The following FAM114A1 variants were observed in gnomAD, a reference collection of about 807,000 sequenced individuals.
The protein encoded by FAM114A1 is protein NOXP20.
A neutral mutation model predicts 64.3 loss-of-function variants in FAM114A1; 62 were observed. The observed-to-expected ratio is 0.96, with a 90% CI of 0.79 to 1.19. FAM114A1 has a LOEUF of 1.19. Among genes scored for constraint, FAM114A1 ranks in the 50% most tolerant of loss-of-function variants. The pLI is 0.00. For missense variants in FAM114A1, 645 were observed against 676.3 expected, an observed-to-expected ratio of 0.95 and a Z score of 0.51; for synonymous variants, 254 against 251.1, an observed-to-expected ratio of 1.01 and a Z score of -0.11.
chr4:38,879,757 C>A (rs187232327), intron 3 of FAM114A1, among the ~76,000 whole-genome samples: 2 of 152,242 alleles, frequency 1.3e-5, no homozygotes, highest in Non-Finnish European at 2.9e-5. Flanking sequence ...TTCAAGAGGT[C>A]GCTGACCCTT....
chr4:38,938,489 C>T (rs1721294179), intron 13 of FAM114A1: 2 of 152,200 alleles, frequency 1.3e-5, no homozygotes, highest in Non-Finnish European at 2.9e-5. Context: ...TAGAGCTTCA[C>T]TGTATACAAG....
rs769949683 is a variant in FAM114A1, at chr4:38,935,706, T to G, written c.1464-12T>G. The G allele has an allele frequency of 6.4e-7, 1 of 1,566,354 alleles. No homozygotes were observed. Among genetic ancestry groups the G allele is most frequent in the South Asian group, 1.2e-5 (1 of 83,212 alleles). On this transcript the variant is annotated splice_polypyrimidine_tract_variant and intron_variant, in intron 12 of 14. Transcript: ENST00000358869. The stretch of plus-strand genomic sequence containing the variant: ...TGAAAACATCCAAGCTTTTTTTTTT[T>G]TCTTCTTTCAGATTAACTACTGCAA...
At chr4:38,925,152 G>T (rs1286557070) in intron 9 of FAM114A1, among the ~76,000 whole-genome samples, 1 of 152,150 alleles carries the variant, frequency 6.6e-6, no homozygotes, top group Non-Finnish European at 1.5e-5. Flanking sequence ...CGAACAGCAT[G>T]CTTTAGCAAT....
intron 7 of FAM114A1, 37 bp from the exon 8 acceptor site, chr4:38,914,884 T>G (rs1273203035): frequency 6.3e-7 from 1 of 1,593,912 alleles, no homozygotes; most frequent in Admixed American, 1.7e-5. Context: ...TGCTTTTAAA[T>G]GTACATCCAG....
At chr4:38,876,863 T>G (rs1427775934) in intron 2 of FAM114A1, among the ~76,000 whole-genome samples, 1 of 152,238 alleles carries the variant, frequency 6.6e-6, no homozygotes, top group Non-Finnish European at 1.5e-5. Flanking sequence ...TTCCTTTATC[T>G]TTGAAGTGCG....
chr4:38,931,452 C>A lies in FAM114A1; in HGVS notation c.1163C>A (p.Ala388Asp). 2.5e-6 allele frequency: 4 copies of A among 1,608,294 alleles called. No homozygotes were observed. The highest frequency in any genetic ancestry group is 3.4e-6 in the Non-Finnish European group (4 of 1,178,386). The change falls in exon 11 of 15, where the codon GCC becomes GAC. Residue 388 changes from alanine (A) to aspartate (D), a missense_variant and splice_region_variant. By Grantham distance (126) the Ala-to-Asp change is moderately radical. Coordinates refer to ENST00000358869, the MANE Select transcript of FAM114A1 (RefSeq NM_138389.4). ...TTGTTTGGTTGGGGACCTCTGCAGG[C>A]CATGAAGAGGGCTCATGACTGGGTG... is the stretch of plus-strand genomic sequence containing the variant. ...VAATPDKLNK[A>D]MKRAHDWVEE...
chr4:38,932,439 C>T, intron 12 of FAM114A1, 65 bp downstream of exon 12: 2 of 1,426,892 alleles, frequency 1.4e-6, no homozygotes, highest in Non-Finnish European at 1.9e-6. Context: ...TTCAGATACA[C>T]ACATACACAC....
intron 4 of FAM114A1, among the ~76,000 whole-genome samples, chr4:38,904,908 G>A (rs1289199347): frequency 6.6e-6 from 1 of 152,184 alleles, no homozygotes; most frequent in Non-Finnish European, 1.5e-5. Flanking sequence ...AGAAGCAAAA[G>A]CAAACAGTGA....
chr4:38,910,007 C>A (rs1718385261), intron 7 of FAM114A1, among the ~76,000 whole-genome samples: 1 of 151,976 alleles, frequency 6.6e-6, no homozygotes, highest in Admixed American at 6.6e-5. Flanking sequence ...CCGAGGCGGG[C>A]AGATCACCTG....
chr4:38,914,831 A>T (rs1718880531), intron 7 of FAM114A1, 90 bp from the exon 8 acceptor site: 3 of 1,431,334 alleles, frequency 2.1e-6, no homozygotes, highest in Admixed American at 4.8e-5. Context: ...TCCAACACAA[A>T]ATCAGTCCTC....
intron 2 of FAM114A1, among the ~76,000 whole-genome samples, chr4:38,870,701 T>C (rs1221432050): frequency 6.6e-6 from 1 of 152,104 alleles, no homozygotes; most frequent in Non-Finnish European, 1.5e-5. Flanking sequence ...TTCCTAACCA[T>C]AAATCAGGAA....
chr4:38,889,949 A>G (rs1177917108), intron 3 of FAM114A1, among the ~76,000 whole-genome samples: 1 of 152,234 alleles, frequency 6.6e-6, no homozygotes, highest in Non-Finnish European at 1.5e-5. Context: ...TGACTGCTTC[A>G]ATTTGAAGCT....
intron 4 of FAM114A1, among the ~76,000 whole-genome samples, chr4:38,901,837 C>A (rs1717555431): frequency 6.6e-6 from 1 of 152,164 alleles, no homozygotes; most frequent in Admixed American, 6.5e-5. Context: ...ATCCTAAAAA[C>A]ACTAAGCTAT....
At position 38,945,005 on chromosome 4, in the gene FAM114A1, C is replaced by G. The variant is rs1485364459; in HGVS notation, c.*1448C>G. 1 of 152,148 alleles carries G rather than the reference C, an allele frequency of 6.6e-6. No homozygotes were observed. The highest frequency in any genetic ancestry group is 1.5e-5 in the Non-Finnish European group (1 of 68,028). The allele number at this position is 152,148 out of a possible 1,614,324, so 9.4% of individuals were successfully genotyped here. A position where few individuals can be genotyped will look rare whatever the true frequency, so the allele number is the denominator to read the frequency against. ...CTTTAATTTGTTGCATTTTCCTATA[C>G]TCTTTACACTATTTTATCCCAAACT... On this transcript the variant is annotated 3_prime_UTR_variant, in exon 15 of 15. Coordinates refer to ENST00000358869, the MANE Select transcript of FAM114A1 (RefSeq NM_138389.4).
At chr4:38,868,108 C>T (rs1397241701) in intron 1 of FAM114A1, 1 of 274,902 alleles carries the variant, frequency 3.6e-6, no homozygotes, top group Admixed American at 3.9e-5. Context: ...CATGCACACA[C>T]CCACACGCCC....
chr4:38,899,786 C>G (rs941017900), intron 4 of FAM114A1, among the ~76,000 whole-genome samples: 1 of 152,090 alleles, frequency 6.6e-6, no homozygotes, highest in African/African-American at 2.4e-5. Context: ...ACATATGTAA[C>G]TATGTAGGAG....
chr4:38,878,406 C>A lies in FAM114A1; in HGVS notation c.328C>A (p.Leu110Met). 1 of 1,596,728 alleles carries A rather than the reference C, an allele frequency of 6.3e-7. No homozygotes were observed. Among genetic ancestry groups the A allele is most frequent in the Non-Finnish European group, 8.5e-7 (1 of 1,170,806 alleles). ...GGCAGAACCCAGATCCGAAATACCC[C>A]TGCAAGAACAGAATTATCTGGTAAG... ...LEAEPRSEIP[L>M]QEQNYLAVDS... Residue 110 changes from leucine (L) to methionine (M), a missense_variant, in exon 3 of 15, where the codon CTG (leucine) becomes ATG (methionine). Leu to Met is a conservative substitution (Grantham distance 15). Transcript: ENST00000358869.
At chr4:38,871,086 C>CTTTTTTTTTTTTTTTTTT (rs9306968) in intron 2 of FAM114A1, among the ~76,000 whole-genome samples, 5 of 94,034 alleles carry the variant, frequency 5.3e-5, no homozygotes, top group East Asian at 3.1e-4. Context: ...TTTTTTCTTT[C>CTTTTTTTTTTTTTTTTTT]TTTTTTTTTT....
chr4:38,908,604 T>C lies in FAM114A1; in HGVS notation c.670T>C (p.Leu224=). Residue 224 remains leucine, a synonymous_variant, in exon 7 of 15, where the codon TTA becomes CTA. Transcript: ENST00000358869. The part of the protein sequence containing the change: ...NVVQNTGKSV[L]TGGLDALEFI... ...ATCTCATCTGCAGGGTAAAAGTGTC[T>C]TAACTGGAGGCCTTGATGCGTTGGA... The C allele has an allele frequency of 6.2e-7, 1 of 1,612,000 alleles. No individual in the cohort carries two copies.
Sources: gnomAD v4.1 joint callset for allele counts (sites outside exome capture counted in the v4.1 genomes callset) on GRCh38, gnomAD v4.1.1 for gene constraint, MANE v1.5 for transcripts, NCBI Gene and HGNC (gene_info 2026-07-23, HGNC 2026-07-21) for gene names.